The following TYMS variants were observed in gnomAD, a reference collection of about 807,000 sequenced individuals.
The protein encoded by TYMS is thymidylate synthetase.
TYMS carries 21 observed loss-of-function variants against 39.3 expected under a neutral mutation model. The ratio of observed to expected loss-of-function variants is 0.54; its 90% confidence interval spans 0.38 to 0.77. The LOEUF (loss-of-function observed/expected upper bound fraction) is 0.77. Ranked by LOEUF, TYMS falls within the 30% of genes least tolerant of loss-of-function variation. The pLI is 0.00. For synonymous variants in TYMS, 171 were observed against 162.2 expected (o/e 1.05, Z -0.41); for missense variants, 273 against 406.7 (o/e 0.67, Z 2.83).
At chr18:668,033 GAC>G (rs2074891308) in intron 3 of TYMS, among the ~76,000 whole-genome samples, 1 of 128,924 alleles carries the variant, frequency 7.8e-6, no homozygotes, top group African/African-American at 3.3e-5. Context: ...AGTTTCCCTG[GAC>G]ACACTACCCA....
rs774638093 is a variant in TYMS, at chr18:670,849, G to C, written c.714G>C (p.Ala238=). The change falls in exon 5 of 7, where the codon GCG becomes GCC. Residue 238 remains alanine (A), a synonymous_variant. Coordinates refer to ENST00000323274, the MANE Select transcript of TYMS (RefSeq NM_001071.4). ...ASYALLTYMI[A]HITGLKPGDF... is the part of the protein sequence containing the mutation. ...ACGCCCTGCTCACGTACATGATTGC[G>C]CACATCACGGGCCTGAAGGTGGGCT... is the stretch of plus-strand genomic sequence containing the variant. The C allele has an allele frequency of 6.2e-7, 1 of 1,613,882 alleles. No individual in the cohort carries two copies. Among genetic ancestry groups the C allele is most frequent in the Non-Finnish European group, 8.5e-7 (1 of 1,179,996 alleles).
chr18:666,126 C>T (rs1413212002), intron 3 of TYMS, among the ~76,000 whole-genome samples: 1 of 101,560 alleles, frequency 9.8e-6, no homozygotes, highest in East Asian at 3.7e-4. Context: ...GTTAAAGTCT[C>T]CCATTATTAA....
In TYMS at chr18:673,384, C is replaced by A. The variant is rs2144437722; in HGVS notation, c.*387C>A. 4.4e-6 allele frequency: 1 copy of A among 227,200 alleles called. No homozygotes were observed. 14.1% of individuals were successfully genotyped at this position (227,200 alleles called of 1,614,324 possible). A position where few individuals can be genotyped will look rare whatever the true frequency, so the allele number is the denominator to read the frequency against. On this transcript the variant is annotated 3_prime_UTR_variant, in exon 7 of 7. Transcript: ENST00000323274. ...TTTTAAGAATTTCACAAGCTATTCCCTCAAATCTGAGGGAGCTGAGTAACA... is the reference window on the plus strand; with the variant it reads ...TTTTAAGAATTTCACAAGCTATTCCATCAAATCTGAGGGAGCTGAGTAACA...
chr18:665,303 C>A (rs1422485660), intron 3 of TYMS, among the ~76,000 whole-genome samples: 5 of 150,892 alleles, frequency 3.3e-5, no homozygotes, highest in Admixed American at 1.3e-4. Flanking sequence ...AGTTTATTTG[C>A]GTAGAGGTGT....
intron 4 of TYMS, 173 bp from the exon 5 acceptor site, chr18:670,519 C>T (rs1252918547): frequency 1.4e-5 from 9 of 640,212 alleles, no homozygotes; most frequent in Non-Finnish European, 2.1e-5. Flanking sequence ...TAGTCTCCCT[C>T]AGCTCCGTGC....
At chr18:661,148 T>C (rs1274443067) in intron 2 of TYMS, among the ~76,000 whole-genome samples, 10 of 152,180 alleles carry the variant, frequency 6.6e-5, no homozygotes, top group Admixed American at 6.5e-4. Flanking sequence ...AATTTCTCAA[T>C]TGGAGAAATT....
chr18:673,436 T>A lies in TYMS; in HGVS notation c.*439T>A. The A allele has an allele frequency of 5.1e-6, 1 of 195,822 alleles. No homozygotes were observed. The allele number at this position is 195,822 out of a possible 1,614,324, so 12.1% of individuals were successfully genotyped here. On this transcript the variant is annotated 3_prime_UTR_variant, in exon 7 of 7. Coordinates refer to ENST00000323274, the MANE Select transcript of TYMS (RefSeq NM_001071.4). Reference sequence around the variant, plus strand: ...CATCGATCATGATGTAGAGTGTGGTTATGAACTTTAAAGTTATAGTTGTTT... The same window carrying A: ...CATCGATCATGATGTAGAGTGTGGTAATGAACTTTAAAGTTATAGTTGTTT...
chr18:670,167 C>T (rs1190573780), intron 4 of TYMS, among the ~76,000 whole-genome samples: 1 of 151,722 alleles, frequency 6.6e-6, no homozygotes, highest in African/African-American at 2.4e-5. Flanking sequence ...TCCTCAGCCC[C>T]AGAGCTGGGA....
At chr18:668,747 A>G (rs1325066274) in intron 3 of TYMS, among the ~76,000 whole-genome samples, 1 of 152,244 alleles carries the variant, frequency 6.6e-6, no homozygotes, top group Non-Finnish European at 1.5e-5. Context: ...GAGCACTGGA[A>G]GAAATTAAGA....
rs1386678644 is a variant in TYMS at position 666,437 on chromosome 18, C to T, written c.455-2635C>T. Among the ~76,000 whole-genome samples, 3 of 152,206 alleles carry T rather than the reference C, an allele frequency of 2.0e-5. No individual in the cohort carries two copies. In the East Asian group the frequency reaches 5.8e-4, roughly 29 times the overall value. ...AAGAATGAAACATCTCACTCCTGGA[C>T]TTCCACTTTCCTGTCACTGTTGGTG... is the stretch of plus-strand genomic sequence containing the variant. On this transcript the variant is annotated intron_variant, in intron 3 of 6. Coordinates refer to ENST00000323274, the MANE Select transcript of TYMS (RefSeq NM_001071.4).
intron 3 of TYMS, among the ~76,000 whole-genome samples, chr18:664,356 CA>C (rs2074786108): frequency 6.7e-6 from 1 of 149,440 alleles, no homozygotes. Flanking sequence ...GTGATTTTTG[CA>C]GATTGATTTT....
rs2074806587 is a variant in TYMS at position 665,809 on chromosome 18, A to G, written c.455-3263A>G. 2.1e-5 allele frequency among the ~76,000 whole-genome samples: 2 copies of G among 97,350 alleles called. 1 individual carries two copies. Among genetic ancestry groups the G allele is most frequent in the Non-Finnish European group, 3.8e-5 (2 of 52,638 alleles). The allele number at this position is 97,350 out of a possible 152,430, so 63.9% of individuals were successfully genotyped here. A position where few individuals can be genotyped will look rare whatever the true frequency, so the allele number is the denominator to read the frequency against. ...TTCCGGAGCAGGTTGTTCAGTTTCC[A>G]TGTAGTTGAGCAGTTTTGAGTGAGT... On this transcript the variant is annotated intron_variant, in intron 3 of 6. Coordinates refer to ENST00000323274, the MANE Select transcript of TYMS (RefSeq NM_001071.4).
At chr18:668,333 T>C (rs1035214142) in intron 3 of TYMS, among the ~76,000 whole-genome samples, 2 of 152,214 alleles carry the variant, frequency 1.3e-5, no homozygotes, top group Non-Finnish European at 2.9e-5. Flanking sequence ...CTGACACTAA[T>C]AGGTAGAAAT....
chr18:663,854 C>G lies in TYMS; in HGVS notation c.454+1534C>G, dbSNP rs529462407. ...ATATGCGGTGTTATTTCTGAGGGCT[C>G]TGTTCTGTTCCATTGATCTATATGT... On this transcript the variant is annotated intron_variant, in intron 3 of 6. Transcript: ENST00000323274. Among the ~76,000 whole-genome samples, 7 of 109,760 alleles carry G rather than the reference C, an allele frequency of 6.4e-5. 1 individual carries two copies. In the South Asian group the frequency reaches 1.2e-3, roughly 18 times the overall value. The allele number at this position is 109,760 out of a possible 152,430, so 72.0% of individuals were successfully genotyped here. A position where few individuals can be genotyped will look rare whatever the true frequency, so the allele number is the denominator to read the frequency against.
At chr18:669,024 T>G (rs780060533) in intron 3 of TYMS, 48 bp from the exon 4 acceptor site, 27 of 1,482,704 alleles carry the variant, frequency 1.8e-5, no homozygotes, top group Non-Finnish European at 2.5e-5. Flanking sequence ...TCTCATGACA[T>G]GTGTGATTAA....
chr18:666,903 A>ATGGAGATGGTGATGGTGATGGT (rs2074828177), intron 3 of TYMS, among the ~76,000 whole-genome samples: 2 of 60,758 alleles, frequency 3.3e-5, no homozygotes, highest in Non-Finnish European at 6.1e-5. Context: ...ATGGTGATGG[A>ATGGAGATGGTGATGGTGATGGT]GATGGTGATG....
At chr18:663,133 C>T in intron 3 of TYMS, among the ~76,000 whole-genome samples, 1 of 96,296 alleles carries the variant, frequency 1.0e-5, no homozygotes, top group Admixed American at 8.7e-5. Context: ...GTCCCACCAA[C>T]AGTATAAAAG....
Position 658,163 on chromosome 18 carries a change from C to A in TYMS, c.205+216C>A. The A allele has an allele frequency of 6.3e-7, 1 of 1,576,408 alleles. No homozygotes were observed. The highest frequency in any genetic ancestry group is 8.6e-7 in the Non-Finnish European group (1 of 1,163,010). ...CGGGCAACACACACAGCAGCGACAGCCGGGAGGTAAGCCGCGTCCCAGCGG... is the reference window on the plus strand; with the variant it reads ...CGGGCAACACACACAGCAGCGACAGACGGGAGGTAAGCCGCGTCCCAGCGG... On this transcript the variant is annotated intron_variant, in intron 1 of 6. Transcript: ENST00000323274. The surrounding 1 kb of genome is among the most constrained non-coding windows in gnomAD (Gnocchi z 4.5).
chr18:671,310 A>C (rs545044905), intron 5 of TYMS, 70 bp from the exon 6 acceptor site: 1 of 1,023,616 alleles, frequency 9.8e-7, no homozygotes, highest in Non-Finnish European at 1.6e-6. Context: ...TGCATATTCT[A>C]ATGTTTTTAA....
Sources: gnomAD v4.1 joint callset for allele counts (sites outside exome capture counted in the v4.1 genomes callset) on GRCh38, gnomAD v4.1.1 for gene constraint, Gnocchi (gnomAD v3.1) non-coding constraint, MANE v1.5 for transcripts, NCBI Gene and HGNC (gene_info 2026-07-23, HGNC 2026-07-21) for gene names.